Variants in SLC7A6 observed in about 807,000 individuals in gnomAD.
SLC7A6 encodes solute carrier family 7 member 6.
A neutral mutation model predicts 46.6 loss-of-function variants in SLC7A6; 29 were observed. The observed-to-expected ratio is 0.62, with a 90% CI of 0.46 to 0.85. The LOEUF (loss-of-function observed/expected upper bound fraction) is 0.85, where lower values mean the gene tolerates loss of function less well. Ranked by LOEUF, SLC7A6 falls within the 40% of genes least tolerant of loss-of-function variation. The pLI is 0.00. For missense variants in SLC7A6, 527 were observed against 647.6 expected, an observed-to-expected ratio of 0.81 and a Z score of 2.02; for synonymous variants, 276 against 257.3, an observed-to-expected ratio of 1.07 and a Z score of -0.70.
In SLC7A6 at chr16:68,288,018, T is replaced by C; in HGVS notation, c.649+147T>C. On this transcript the variant is annotated intron_variant, in intron 4 of 10. Coordinates refer to ENST00000219343, the MANE Select transcript of SLC7A6 (RefSeq NM_003983.6). ...TGCAAGAGATGGGAGTAGATTTCTT[T>C]CTGGGCTTTTTGGGCCAGGCTGGCT... is the stretch of plus-strand genomic sequence containing the variant. 2 of 1,279,914 alleles carry C rather than the reference T, an allele frequency of 1.6e-6. 1 individual carries two copies. 79.3% of individuals were successfully genotyped at this position (1,279,914 alleles called of 1,614,324 possible).
At position 68,301,129 on chromosome 16, in the gene SLC7A6, T is replaced by G; in HGVS notation, c.*3801T>G. 2 of 1,416,086 alleles carry G rather than the reference T, an allele frequency of 1.4e-6. No individual in the cohort carries two copies. Among genetic ancestry groups the G allele is most frequent in the Non-Finnish European group, 1.8e-6 (2 of 1,081,238 alleles). 87.7% of individuals were successfully genotyped at this position (1,416,086 alleles called of 1,614,324 possible). A position where few individuals can be genotyped will look rare whatever the true frequency, so the allele number is the denominator to read the frequency against. Reference sequence around the variant, plus strand: ...CCCCTAACATAAGTTTTCACTGTGGTGGGATGGTGCCGCCCGATATGCTTG... The same window carrying G: ...CCCCTAACATAAGTTTTCACTGTGGGGGGATGGTGCCGCCCGATATGCTTG... On this transcript the variant is annotated 3_prime_UTR_variant, in exon 11 of 11. Transcript: ENST00000219343.
Position 68,301,438 on chromosome 16 carries a change from G to A in SLC7A6, c.*4110G>A. The A allele has an allele frequency of 1.2e-6, 2 of 1,601,410 alleles. No individual in the cohort carries two copies. Among genetic ancestry groups the A allele is most frequent in the Non-Finnish European group, 1.7e-6 (2 of 1,171,712 alleles). ...GACATCCCGGGAGTGGATTCTAAAT[G>A]TGATTTTCCTAGGCTACTGCAGGAG... On this transcript the variant is annotated 3_prime_UTR_variant, in exon 11 of 11. Transcript: ENST00000219343.
intron 2 of SLC7A6, among the ~76,000 whole-genome samples, chr16:68,268,489 C>T (rs541321905): frequency 6.6e-6 from 1 of 152,146 alleles, no homozygotes; most frequent in Non-Finnish European, 1.5e-5. Flanking sequence ...TTAGTCATTA[C>T]AAAAATTTTG....
intron 3 of SLC7A6, chr16:68,287,300 A>T: frequency 1.6e-6 from 2 of 1,287,506 alleles, no homozygotes; most frequent in Non-Finnish European, 2.0e-6. Context: ...TTAATGCAAA[A>T]CACTGTCTCT....
In SLC7A6 at chr16:68,301,144, C is replaced by A. The variant is rs1597018595; in HGVS notation, c.*3816C>A. The A allele has an allele frequency of 6.9e-7, 1 of 1,455,558 alleles. No homozygotes were observed. The highest frequency in any genetic ancestry group is 1.4e-5 in the African/African-American group (1 of 70,284). The allele number at this position is 1,455,558 out of a possible 1,614,324, so 90.2% of individuals were successfully genotyped here. On this transcript the variant is annotated 3_prime_UTR_variant, in exon 11 of 11. Transcript: ENST00000219343. ...TTCACTGTGGTGGGATGGTGCCGCCCGATATGCTTGATATGCTTTTCCTTC... is the reference window on the plus strand; with the variant it reads ...TTCACTGTGGTGGGATGGTGCCGCCAGATATGCTTGATATGCTTTTCCTTC...
At chr16:68,275,411 C>T (rs1192293186) in intron 3 of SLC7A6, among the ~76,000 whole-genome samples, 162 bp downstream of exon 3, 1 of 151,858 alleles carries the variant, frequency 6.6e-6, no homozygotes, top group African/African-American at 2.4e-5. Flanking sequence ...GCCTGACCAA[C>T]ATGGAGAAAC....
chr16:68,285,607 T>C (rs546038514), intron 3 of SLC7A6, among the ~76,000 whole-genome samples: 5 of 152,200 alleles, frequency 3.3e-5, no homozygotes, highest in Non-Finnish European at 4.4e-5. Context: ...TTTGAAGCCA[T>C]TGAGCCTGGC....
intron 3 of SLC7A6, chr16:68,287,256 G>T: frequency 8.5e-7 from 1 of 1,177,016 alleles, no homozygotes; most frequent in Non-Finnish European, 1.1e-6. Context: ...GGGATTACAG[G>T]TGTGAGCCAC....
At chr16:68,287,450 C>T (rs2042959705) in intron 3 of SLC7A6, 1 of 1,334,552 alleles carries the variant, frequency 7.5e-7, no homozygotes, top group Non-Finnish European at 9.8e-7. Context: ...GTGAAATCAC[C>T]CATCCCTGGG....
Position 68,291,650 on chromosome 16 carries a change from T to A in SLC7A6, c.1011T>A (p.Phe337Leu). The stretch of plus-strand genomic sequence containing the variant: ...TTGGGGGCCTCAATGCATCCATCTT[T>A]GCTTCATCAAGGTACTGTGTCTCTG... ...SCFGGLNASIFASSRLFFVGS... is the reference protein window; with the variant it reads ...SCFGGLNASILASSRLFFVGS... Residue 337 changes from phenylalanine (F) to leucine (L), a missense_variant, in exon 7 of 11, where the codon TTT becomes TTA. Physicochemically the swap from Phe to Leu is conservative, Grantham distance 22. Transcript: ENST00000219343. 6.2e-7 allele frequency: 1 copy of A among 1,614,036 alleles called. No homozygotes were observed.
intron 4 of SLC7A6, 43 bp from the exon 5 acceptor site, chr16:68,290,353 T>TAGGC (rs764824091): frequency 6.2e-7 from 1 of 1,611,718 alleles, no homozygotes; most frequent in South Asian, 1.1e-5. Flanking sequence ...TCCTTTGGCC[T>TAGGC]GTTCCTTCTC....
chr16:68,301,263 A>G lies in SLC7A6; in HGVS notation c.*3935A>G, dbSNP rs960185348. The G allele has an allele frequency of 6.2e-7, 1 of 1,613,422 alleles. No individual in the cohort carries two copies. The highest frequency in any genetic ancestry group is 1.7e-5 in the Admixed American group (1 of 59,970). ...GGGCATGTGGCAGAACCTCATGGAC[A>G]TCACAAGACCATCAGTCTGAATCCA... On this transcript the variant is annotated 3_prime_UTR_variant, in exon 11 of 11. Transcript: ENST00000219343.
At chr16:68,282,909 C>T (rs1221455683) in intron 3 of SLC7A6, among the ~76,000 whole-genome samples, 1 of 152,172 alleles carries the variant, frequency 6.6e-6, no homozygotes, top group African/African-American at 2.4e-5. Flanking sequence ...TGAGCCACTG[C>T]GCCCGGCCTT....
chr16:68,297,541 A>T lies in SLC7A6; in HGVS notation c.*213A>T. The T allele has an allele frequency of 4.2e-6, 1 of 238,192 alleles. No individual in the cohort carries two copies. The highest frequency in any genetic ancestry group is 8.2e-6 in the Non-Finnish European group (1 of 122,386). The allele number at this position is 238,192 out of a possible 1,614,324, so 14.8% of individuals were successfully genotyped here. A position where few individuals can be genotyped will look rare whatever the true frequency, so the allele number is the denominator to read the frequency against. On this transcript the variant is annotated 3_prime_UTR_variant, in exon 11 of 11. Transcript: ENST00000219343. ...GTGGGGGCTTCAGAGGGTGGGGGGA[A>T]GATTGGGGAACGGGGGGAATGGTCA...
chr16:68,293,355 C>T (rs1023464715), intron 7 of SLC7A6, among the ~76,000 whole-genome samples: 6 of 152,152 alleles, frequency 3.9e-5, no homozygotes, highest in Admixed American at 6.5e-5. Flanking sequence ...ACCCAGGAGG[C>T]GGAGGTTGCA....
chr16:68,267,235 A>G (rs1169421155), intron 2 of SLC7A6, among the ~76,000 whole-genome samples: 1 of 121,514 alleles, frequency 8.2e-6, no homozygotes, highest in South Asian at 2.5e-4. Context: ...TTTTTTTGAG[A>G]AGGAGTTTCG....
chr16:68,296,884 C>T, intron 10 of SLC7A6, 74 bp downstream of exon 10: 1 of 1,485,912 alleles, frequency 6.7e-7, no homozygotes. Context: ...GGGTGGCTAA[C>T]AGCTTCCCCA....
At chr16:68,281,426 G>A (rs1405790088) in intron 3 of SLC7A6, among the ~76,000 whole-genome samples, 1 of 152,172 alleles carries the variant, frequency 6.6e-6, no homozygotes, top group Non-Finnish European at 1.5e-5. Flanking sequence ...ATACCACCAT[G>A]CACAGAACAG....
intron 7 of SLC7A6, 88 bp downstream of exon 7, chr16:68,291,749 C>T: frequency 1.1e-6 from 1 of 897,462 alleles, no homozygotes; most frequent in South Asian, 1.5e-5. Flanking sequence ...CCCTCCTTCT[C>T]ATGGGCATAT....
Sources: allele counts gnomAD v4.1 joint callset (sites outside exome capture counted in the v4.1 genomes callset), GRCh38; gene constraint gnomAD v4.1.1; transcripts MANE v1.5; gene names NCBI Gene and HGNC (gene_info 2026-07-23, HGNC 2026-07-21).